Variants in MYBBP1A observed in about 807,000 individuals in gnomAD.
MYBBP1A encodes the protein MYB binding protein 1a, also known as myb-binding protein 1A.
Under a neutral mutation model 136.3 loss-of-function variants are expected in MYBBP1A, and 147 were observed. That is an observed-to-expected ratio of 1.08 (90% CI 0.94 to 1.24). MYBBP1A has a LOEUF of 1.24. MYBBP1A is among the 50% of genes most tolerant of loss of function. MYBBP1A has a pLI of 0.00. For synonymous variants in MYBBP1A, 947 were observed against 735.8 expected (o/e 1.29, Z -4.65); for missense variants, 2,060 against 1,727.4 (o/e 1.19, Z -3.41).
chr17:4,542,447 G>A lies in MYBBP1A; in HGVS notation c.3087+17C>T. ...AATTCAGACAGGCCCTGGGCTGGGA[G>A]CTGGGAAGTCTCTCACCTGATGACG... is the stretch of plus-strand genomic sequence containing the variant. On this transcript the variant is annotated intron_variant, in intron 22 of 25. Transcript: ENST00000254718. 4 of 1,598,644 alleles carry A rather than the reference G, an allele frequency of 2.5e-6. No homozygotes were observed. Among genetic ancestry groups the A allele is most frequent in the South Asian group, 1.1e-5 (1 of 89,394 alleles).
At chr17:4,551,730 A>G in intron 8 of MYBBP1A, 150 bp downstream of exon 8, 1 of 663,366 alleles carries the variant, frequency 1.5e-6, no homozygotes. Flanking sequence ...AATTTGTCCG[A>G]GGGAAAGGGG....
chr17:4,544,445 G>T (rs1382708859), intron 19 of MYBBP1A, 44 bp downstream of exon 19: 1 of 1,539,938 alleles, frequency 6.5e-7, no homozygotes, highest in East Asian at 2.4e-5. Flanking sequence ...CCTGCGCCTG[G>T]GGGCTGCCGG....
intron 25 of MYBBP1A, 107 bp from the exon 26 acceptor site, chr17:4,540,074 G>T: frequency 7.4e-7 from 1 of 1,349,934 alleles, no homozygotes; most frequent in Admixed American, 2.0e-5. Context: ...AGGCCCCTAG[G>T]TTCTGTGAGG....
At position 4,548,378 on chromosome 17, in the gene MYBBP1A, C is replaced by G; in HGVS notation, c.1557-68G>C. The stretch of plus-strand genomic sequence containing the variant: ...CAATGTAGCCGCCTCCCTCCGCCCT[C>G]CCCAGGGCTCGGTCTCCCGCCTCTC... On this transcript the variant is annotated intron_variant, in intron 11 of 25. Transcript: ENST00000254718. The surrounding 1 kb of genome is among the most constrained non-coding windows in gnomAD (Gnocchi z 4.2). 6.2e-7 allele frequency: 1 copy of G among 1,601,192 alleles called. No homozygotes were observed. Among genetic ancestry groups the G allele is most frequent in the Non-Finnish European group, 8.5e-7 (1 of 1,172,362 alleles).
intron 25 of MYBBP1A, 91 bp from the exon 26 acceptor site, chr17:4,540,058 CCT>C: frequency 1.4e-6 from 2 of 1,430,330 alleles, no homozygotes; most frequent in Non-Finnish European, 1.9e-6. Context: ...TTCTGAGGGT[CCT>C]CTGAGGCCCC....
At position 4,541,846 on chromosome 17, in the gene MYBBP1A, A is replaced by C; in HGVS notation, c.3133T>G (p.Ser1045Ala). 1 of 1,613,884 alleles carries C rather than the reference A, an allele frequency of 6.2e-7. No individual in the cohort carries two copies. The highest frequency in any genetic ancestry group is 8.5e-7 in the Non-Finnish European group (1 of 1,179,976). ...TTCCACTCGGGGTCCTCAAAGCACGACCTCACCTCCCGCATGGACAGGGTC... is the reference window on the plus strand; with the variant it reads ...TTCCACTCGGGGTCCTCAAAGCACGCCCTCACCTCCCGCATGGACAGGGTC... ...QKTLSMREVRSCFEDPEWKQL... is the reference protein window; with the variant it reads ...QKTLSMREVRACFEDPEWKQL... Residue 1045 changes from serine (S) to alanine (A), a missense_variant, in exon 23 of 26, where the codon TCG becomes GCG. Physicochemically the swap from Ser to Ala is moderately conservative, Grantham distance 99 (BLOSUM62 1). Coordinates refer to ENST00000254718, the MANE Select transcript of MYBBP1A (RefSeq NM_014520.4).
Position 4,542,647 on chromosome 17 carries a change from G to A in MYBBP1A, c.2987C>T (p.Pro996Leu), listed in dbSNP as rs774675297. Reference protein sequence around the residue: ...LTKRNSPLTVPMFLSLFSRHP... With the variant: ...LTKRNSPLTVLMFLSLFSRHP... ...CCGGGAGAAGAGGCTGAGGAACATG[G>A]GAACTGTGAGGGGGCTGTTGCGCTT... Residue 996 changes from proline to leucine, a missense_variant, in exon 21 of 26, where the codon CCC becomes CTC. By Grantham distance (98) the Pro-to-Leu change is moderately conservative (BLOSUM62 -3). Transcript: ENST00000254718. The A allele has an allele frequency of 6.2e-7, 1 of 1,613,990 alleles. No homozygotes were observed. Among genetic ancestry groups the A allele is most frequent in the Admixed American group, 1.7e-5 (1 of 60,018 alleles).
intron 8 of MYBBP1A, among the ~76,000 whole-genome samples, chr17:4,551,054 T>C (rs1907464364): frequency 6.6e-6 from 1 of 152,234 alleles, no homozygotes; most frequent in African/African-American, 2.4e-5. Flanking sequence ...TGATCATGGC[T>C]CACTGCAGCC....
In MYBBP1A at chr17:4,540,464, C is replaced by T. The variant is rs1281770047; in HGVS notation, c.3318G>A (p.Thr1106=). ...CKHEKLTLDL[T]VLLGVLQGQQ... ...GCCCCTGCAGCACACCCAGGAGCAC[C>T]GTCAGGTCCAAGGTCAGCTTCTGCA... The change falls in exon 25 of 26, where the codon ACG becomes ACA. Residue 1106 remains threonine (T), a synonymous_variant. Coordinates refer to ENST00000254718, the MANE Select transcript of MYBBP1A (RefSeq NM_014520.4). 16 of 1,609,982 alleles carry T rather than the reference C, an allele frequency of 9.9e-6. No individual in the cohort carries two copies. Among genetic ancestry groups the T allele is most frequent in the Middle Eastern group, 1.7e-4 (1 of 5,988 alleles).
chr17:4,554,079 A>G lies in MYBBP1A; in HGVS notation c.393T>C (p.Pro131=). ...LHQVKKAMLR[P]ALFANLFGVL... is the part of the protein sequence containing the mutation. ...CTCCAAACAGGTTTGCAAAGAGAGCAGGTCTCAGCATTGCCTAGAAAAGGA... is the reference window on the plus strand; with the variant it reads ...CTCCAAACAGGTTTGCAAAGAGAGCGGGTCTCAGCATTGCCTAGAAAAGGA... The change falls in exon 4 of 26, where the codon CCT becomes CCC. Residue 131 remains proline, a synonymous_variant. Transcript: ENST00000254718. 4 of 1,614,072 alleles carry G rather than the reference A, an allele frequency of 2.5e-6. No homozygotes were observed. Among genetic ancestry groups the G allele is most frequent in the Non-Finnish European group, 3.4e-6 (4 of 1,180,036 alleles).
chr17:4,539,159 C>G lies in MYBBP1A; in HGVS notation c.*256G>C, dbSNP rs1359481625. On this transcript the variant is annotated 3_prime_UTR_variant, in exon 26 of 26. Transcript: ENST00000254718. ...ACCAACCCAGGCAAACACCAGAGCC[C>G]TGGACATGGCCCTGGAGCCAGGGTC... The G allele has an allele frequency of 2.0e-6, 3 of 1,463,486 alleles. No homozygotes were observed. The highest frequency in any genetic ancestry group is 2.7e-6 in the Non-Finnish European group (3 of 1,117,722). The allele number at this position is 1,463,486 out of a possible 1,614,324, so 90.7% of individuals were successfully genotyped here.
chr17:4,539,563 G>C lies in MYBBP1A; in HGVS notation c.3839C>G (p.Ala1280Gly). 1 of 1,614,152 alleles carries C rather than the reference G, an allele frequency of 6.2e-7. No homozygotes were observed. The highest frequency in any genetic ancestry group is 8.5e-7 in the Non-Finnish European group (1 of 1,180,030). Residue 1280 changes from alanine (A) to glycine (G), a missense_variant, in exon 26 of 26, where the codon GCT becomes GGT. By Grantham distance (60) the Ala-to-Gly change is moderately conservative. Transcript: ENST00000254718. ...GCCCAAGACCCCCTTTTTGGGAAGA[G>C]CCTTCTGATGCTGCTTTTGGCCTGC... ...EPAGQKQHQK[A>G]LPKKGVLGKS...
Position 4,544,664 on chromosome 17 carries a change from G to A in MYBBP1A, c.2482-18C>T. On this transcript the variant is annotated intron_variant, in intron 18 of 25. Transcript: ENST00000254718. The stretch of plus-strand genomic sequence containing the variant: ...TCCAGCACCTGCAGCCAGGAGGGCA[G>A]GTCAGCAACACGGGGGTGGGCGCAC... The A allele has an allele frequency of 5.1e-6, 8 of 1,561,238 alleles. No individual in the cohort carries two copies. Among genetic ancestry groups the A allele is most frequent in the Non-Finnish European group, 6.1e-6 (7 of 1,150,828 alleles).
At position 4,543,405 on chromosome 17, in the gene MYBBP1A, G is replaced by T. The variant is rs190741149; in HGVS notation, c.2640-240C>A. 1.4e-5 allele frequency: 8 copies of T among 552,254 alleles called. No individual in the cohort carries two copies. In the East Asian group the frequency reaches 2.3e-4, roughly 16 times the overall value. The allele number at this position is 552,254 out of a possible 1,614,324, so 34.2% of individuals were successfully genotyped here. On this transcript the variant is annotated intron_variant, in intron 19 of 25. Coordinates refer to ENST00000254718, the MANE Select transcript of MYBBP1A (RefSeq NM_014520.4). ...AGAACAGAACAGCTCCCTGAGTGGA[G>T]GCTGCACCAAGGGCCAACTGCCTGC...
rs745699155 is a variant in MYBBP1A, at chr17:4,554,281, G to A, written c.295-3C>T. The A allele has an allele frequency of 8.7e-6, 14 of 1,613,662 alleles. No individual in the cohort carries two copies. Among genetic ancestry groups the A allele is most frequent in the East Asian group, 6.7e-5 (3 of 44,894 alleles). On this transcript the variant is annotated splice_region_variant and splice_polypyrimidine_tract_variant and intron_variant, in intron 2 of 25. Coordinates refer to ENST00000254718, the MANE Select transcript of MYBBP1A (RefSeq NM_014520.4). ...AGGTCTTCAAAAGACTGTAACAGCT[G>A]CCAGGAGTTGTGTGGCAGGAGGAAG... is the stretch of plus-strand genomic sequence containing the variant.
rs1907364181 is a variant in MYBBP1A at position 4,550,044 on chromosome 17, C to T, written c.1319+14G>A. ...AACTCCTAAATTAGGTGTCCTCCCC[C>T]AAGGTCCACTCACATGTGGAGCGAT... is the stretch of plus-strand genomic sequence containing the variant. On this transcript the variant is annotated intron_variant, in intron 9 of 25. Coordinates refer to ENST00000254718, the MANE Select transcript of MYBBP1A (RefSeq NM_014520.4). 1 of 1,597,084 alleles carries T rather than the reference C, an allele frequency of 6.3e-7. No homozygotes were observed. The highest frequency in any genetic ancestry group is 8.5e-7 in the Non-Finnish European group (1 of 1,169,748).
Position 4,548,047 on chromosome 17 carries a change from T to C in MYBBP1A, c.1735A>G (p.Thr579Ala). 1 of 1,569,928 alleles carries C rather than the reference T, an allele frequency of 6.4e-7. No homozygotes were observed. The highest frequency in any genetic ancestry group is 8.6e-7 in the Non-Finnish European group (1 of 1,158,440). ...QRQAWDRMLQ[T>A]LKELEAHSAE... ...GAGTGGGCCTCCAGCTCCTTCAGAG[T>C]CTGCAGCATCCTGCGGGGAGACAGG... The change falls in exon 13 of 26, where the codon ACT becomes GCT. Residue 579 changes from threonine to alanine, a missense_variant. By Grantham distance (58) the Thr-to-Ala change is moderately conservative (BLOSUM62 0). Transcript: ENST00000254718. This position sits in a 1 kb window ranked among gnomAD's most constrained non-coding sequence, Gnocchi z 4.2.
intron 25 of MYBBP1A, 133 bp from the exon 26 acceptor site, chr17:4,540,100 CGTGAGGGTCCTATGAGGGTCCT>C (rs1168382299): frequency 2.8e-5 from 34 of 1,219,454 alleles, no homozygotes; most frequent in Admixed American, 4.6e-5. Flanking sequence ...ATGAGGGTCC[CGTGAGGGTCCTATGAGGGTCCT>C]GCGAGGCCCC....
chr17:4,547,245 C>CTGCA (rs1907091718), intron 13 of MYBBP1A, among the ~76,000 whole-genome samples: 1 of 152,188 alleles, frequency 6.6e-6, no homozygotes, highest in Admixed American at 6.5e-5. Flanking sequence ...ACACAGCAAA[C>CTGCA]TGCAGCCTCC....
Sources: gnomAD v4.1 joint callset for allele counts (sites outside exome capture counted in the v4.1 genomes callset) on GRCh38, gnomAD v4.1.1 for gene constraint, Gnocchi (gnomAD v3.1) non-coding constraint, MANE v1.5 for transcripts, NCBI Gene and HGNC (gene_info 2026-07-23, HGNC 2026-07-21) for gene names.